The following MICAL3 variants were observed in gnomAD, a reference collection of about 807,000 sequenced individuals.
MICAL3 encodes the protein [F-actin]-monooxygenase MICAL3.
A neutral mutation model predicts 207.4 loss-of-function variants in MICAL3; 62 were observed. That is an observed-to-expected ratio of 0.30 (90% CI 0.24 to 0.37). The LOEUF is 0.37. Among genes scored for constraint, MICAL3 ranks in the 10% least tolerant of loss-of-function variants. The probability of loss-of-function intolerance (pLI) is 1.00; values close to 1 mark genes in which losing one functional copy is unlikely to be tolerated. For missense variants in MICAL3, 2,368 were observed against 2,635.6 expected (o/e 0.90, Z 2.22); for synonymous variants, 1,077 against 1,069.3 (o/e 1.01, Z -0.14).
chr22:18,003,628 C>T (rs907577504), intron 1 of MICAL3, among the ~76,000 whole-genome samples: 5 of 152,190 alleles, frequency 3.3e-5, no homozygotes, highest in African/African-American at 9.7e-5. Flanking sequence ...TAGAGCTTTA[C>T]ACCAGCCTGC....
In MICAL3 at chr22:17,818,005, G is replaced by T; in HGVS notation, c.4656C>A (p.Arg1552=). The T allele has an allele frequency of 6.2e-7, 1 of 1,612,238 alleles. No homozygotes were observed. ...GGGGCGGGTGGCGAGGCTTCTCGGG[G>T]CGCGGCCAGCAGGACGGGGGCGTGA... The part of the protein sequence containing the change: ...KFFTPPSCWP[R]PEKPRHPPLA... The change falls in exon 26 of 32, where the codon CGC becomes CGA. Residue 1552 remains arginine, a synonymous_variant. Coordinates refer to ENST00000441493, the MANE Select transcript of MICAL3 (RefSeq NM_015241.3).
chr22:17,914,178 G>C (rs1932324726), intron 1 of MICAL3, among the ~76,000 whole-genome samples: 1 of 152,062 alleles, frequency 6.6e-6, no homozygotes. Context: ...GTTTTTTGAA[G>C]GAAAGAAAAA....
In MICAL3 at chr22:17,893,856, T is replaced by A. The variant is rs774498938; in HGVS notation, c.1498A>T (p.Met500Leu). 1.9e-6 allele frequency: 3 copies of A among 1,575,584 alleles called. No individual in the cohort carries two copies. The African/African-American group carries it at 4.1e-5, about 21-fold the overall frequency. The change falls in exon 11 of 32, where the codon ATG (methionine) becomes TTG (leucine). Residue 500 changes from methionine to leucine, a missense_variant. Coordinates refer to ENST00000441493, the MANE Select transcript of MICAL3 (RefSeq NM_015241.3). ...TGETKDIHLE[M>L]ESLVNSRTTP... The stretch of plus-strand genomic sequence containing the variant: ...GTTCGGGAATTCACCAGGCTCTCCA[T>A]TTCCAGGTGAATATCTTTTGTTTCG...
chr22:17,801,528 C>T (rs555792639), intron 29 of MICAL3, among the ~76,000 whole-genome samples: 2 of 152,248 alleles, frequency 1.3e-5, no homozygotes, highest in South Asian at 4.2e-4. Flanking sequence ...AAGCTAGTAG[C>T]TGCAGTCCGG....
At chr22:17,928,486 C>A (rs182833773) in intron 1 of MICAL3, among the ~76,000 whole-genome samples, 6 of 151,836 alleles carry the variant, frequency 4.0e-5, no homozygotes, top group African/African-American at 1.4e-4. Context: ...TGTCTGCATG[C>A]GTCTTCATGT....
At chr22:17,925,429 T>A (rs1048847942) in intron 1 of MICAL3, among the ~76,000 whole-genome samples, 2 of 152,236 alleles carry the variant, frequency 1.3e-5, no homozygotes, top group Non-Finnish European at 2.9e-5. Context: ...TGCCAACTTG[T>A]GCAACCATCA....
intron 28 of MICAL3, among the ~76,000 whole-genome samples, chr22:17,809,917 C>A (rs191332589): frequency 2.8e-4 from 43 of 151,966 alleles, no homozygotes; most frequent in Non-Finnish European, 2.9e-4. Context: ...GAGATGGAGG[C>A]TCGCCCTCTC....
chr22:17,957,760 G>C (rs1189988913), intron 1 of MICAL3, among the ~76,000 whole-genome samples: 1 of 150,176 alleles, frequency 6.7e-6, no homozygotes, highest in Non-Finnish European at 1.5e-5. Flanking sequence ...GAGAGAGAGA[G>C]AGAATGAAAG....
At chr22:17,848,736 C>G (rs1924902036) in intron 19 of MICAL3, among the ~76,000 whole-genome samples, 2 of 152,190 alleles carry the variant, frequency 1.3e-5, no homozygotes, top group South Asian at 4.1e-4. Context: ...GGAGAAGTCA[C>G]CCCTGGGTAG....
chr22:17,992,993 C>A (rs1218907203), intron 1 of MICAL3, among the ~76,000 whole-genome samples: 1 of 152,124 alleles, frequency 6.6e-6, no homozygotes, highest in African/African-American at 2.4e-5. Context: ...GTCCACAGGC[C>A]CCACTGTCTA....
At chr22:18,006,014 T>C (rs1429166445) in intron 1 of MICAL3, 1 of 152,174 alleles carries the variant, frequency 6.6e-6, no homozygotes, top group African/African-American at 2.4e-5. Context: ...TACTTCTGAG[T>C]TGTTCTTTGC....
In MICAL3 at chr22:17,860,427, C is replaced by T. The variant is rs1049687545; in HGVS notation, c.2605+4472G>A. On this transcript the variant is annotated intron_variant, in intron 19 of 31. Transcript: ENST00000441493. ...CCTCTCCTGTTGGGCTCTCGTACCG[C>T]CGCCGGGAAGCCGGCTGGCTGTCCG... The T allele has an allele frequency of 4.1e-6, 4 of 985,354 alleles. No individual in the cohort carries two copies. The East Asian group carries it at 4.5e-4, about 112-fold the overall frequency. 61.0% of individuals were successfully genotyped at this position (985,354 alleles called of 1,614,324 possible).
At position 17,793,400 on chromosome 22, in the gene MICAL3, G is replaced by C. The variant is rs889830479; in HGVS notation, c.5651-2099C>G. ...CATCCAAATCGCTGCACGCAGGCGGGAGGCTCCTCACCTGCATGCCTGCCC... is the reference window on the plus strand; with the variant it reads ...CATCCAAATCGCTGCACGCAGGCGGCAGGCTCCTCACCTGCATGCCTGCCC... On this transcript the variant is annotated intron_variant, in intron 29 of 31. Coordinates refer to ENST00000441493, the MANE Select transcript of MICAL3 (RefSeq NM_015241.3). This position sits in a 1 kb window ranked among gnomAD's most constrained non-coding sequence, Gnocchi z 4.1. 6.6e-6 allele frequency among the ~76,000 whole-genome samples: 1 copy of C among 152,182 alleles called. No individual in the cohort carries two copies. Among genetic ancestry groups the C allele is most frequent in the Non-Finnish European group, 1.5e-5 (1 of 68,030 alleles).
At chr22:17,946,928 T>G (rs431071) in intron 1 of MICAL3, among the ~76,000 whole-genome samples, 85,743 of 152,024 alleles carry the variant, frequency 0.56, 24,653 homozygotes, top group Middle Eastern at 0.73. Context: ...TGATACCCCT[T>G]CCAAGCCGGA....
Position 17,814,323 on chromosome 22 carries a change from T to C in MICAL3, c.5445+2367A>G, listed in dbSNP as rs574297538. On this transcript the variant is annotated intron_variant, in intron 27 of 31. Transcript: ENST00000441493. ...CGCTTCATCTATATGTCATCTTTTATATGACCTTTTGTAATGAATCATTGG... is the reference window on the plus strand; with the variant it reads ...CGCTTCATCTATATGTCATCTTTTACATGACCTTTTGTAATGAATCATTGG... The C allele has an allele frequency of 1.1e-3, 164 of 152,402 alleles. 1 individual carries two copies. The highest frequency in any genetic ancestry group is 3.9e-3 in the African/African-American group (161 of 41,598). 9.4% of individuals were successfully genotyped at this position (152,402 alleles called of 1,614,324 possible). A position where few individuals can be genotyped will look rare whatever the true frequency, so the allele number is the denominator to read the frequency against.
chr22:17,845,370 AG>A (rs1166246082), intron 19 of MICAL3, among the ~76,000 whole-genome samples: 1 of 152,234 alleles, frequency 6.6e-6, no homozygotes, highest in Non-Finnish European at 1.5e-5. Context: ...GAATTCTACT[AG>A]GACCACGGGA....
intron 16 of MICAL3, among the ~76,000 whole-genome samples, chr22:17,882,113 C>T (rs1929493789): frequency 6.6e-6 from 1 of 152,176 alleles, no homozygotes; most frequent in South Asian, 2.1e-4. Flanking sequence ...CTCAGAGCTC[C>T]CATGACAATC....
chr22:17,936,337 A>G (rs1056641874), intron 1 of MICAL3, among the ~76,000 whole-genome samples: 6 of 152,094 alleles, frequency 3.9e-5, no homozygotes, highest in Non-Finnish European at 7.4e-5. Flanking sequence ...AGAAAACCAA[A>G]CACTGCACGT....
At chr22:17,890,869 C>G (rs1227429403) in intron 12 of MICAL3, among the ~76,000 whole-genome samples, 1 of 152,202 alleles carries the variant, frequency 6.6e-6, no homozygotes, top group East Asian at 1.9e-4. Flanking sequence ...GACCTGGGGT[C>G]ACCCTAGAAC....
Sources: allele counts gnomAD v4.1 joint callset (sites outside exome capture counted in the v4.1 genomes callset), GRCh38; gene constraint gnomAD v4.1.1; non-coding constraint Gnocchi (gnomAD v3.1); transcripts MANE v1.5; gene names NCBI Gene and HGNC (gene_info 2026-07-23, HGNC 2026-07-21).